Variants in EDIL3 observed in about 807,000 individuals in gnomAD.
The protein encoded by EDIL3 is EGF-like repeat and discoidin I-like domain-containing protein 3.
EDIL3 carries 37 observed loss-of-function variants against 67.4 expected under a neutral mutation model. The observed-to-expected ratio is 0.55, with a 90% CI of 0.42 to 0.72. The LOEUF (loss-of-function observed/expected upper bound fraction) is 0.72. Ranked by LOEUF, EDIL3 falls within the 30% of genes least tolerant of loss-of-function variation. The pLI is 0.00. For synonymous variants in EDIL3, 195 were observed against 196.3 expected (o/e 0.99, Z 0.05); for missense variants, 527 against 586.3 (o/e 0.90, Z 1.04).
chr5:84,106,385 C>G (rs1313612049), intron 6 of EDIL3, among the ~76,000 whole-genome samples: 2 of 151,934 alleles, frequency 1.3e-5, no homozygotes, highest in Admixed American at 6.6e-5. Context: ...CAGAAAGTCT[C>G]CTGCTTTGAT....
In EDIL3 at chr5:84,207,048, C is replaced by A. The variant is rs1211270956; in HGVS notation, c.226+22807G>T. 2.0e-5 allele frequency among the ~76,000 whole-genome samples: 3 copies of A among 151,994 alleles called. No homozygotes were observed. In the East Asian group the frequency reaches 5.8e-4, roughly 29 times the overall value. On this transcript the variant is annotated intron_variant, in intron 3 of 10. Coordinates refer to ENST00000296591, the MANE Select transcript of EDIL3 (RefSeq NM_005711.5). ...ATAGTGTTGGAAGTTCTGGCCAGGG[C>A]AATTAGGCAGGAGAAGGAAATAAAG... is the stretch of plus-strand genomic sequence containing the variant.
chr5:84,080,890 C>G (rs1309443762), intron 6 of EDIL3, among the ~76,000 whole-genome samples: 1 of 152,168 alleles, frequency 6.6e-6, no homozygotes, highest in Non-Finnish European at 1.5e-5. Flanking sequence ...AGTTCTGATG[C>G]TCCAGATAAA....
chr5:84,290,157 A>C (rs1745884753), intron 1 of EDIL3, among the ~76,000 whole-genome samples: 2 of 152,168 alleles, frequency 1.3e-5, no homozygotes, highest in African/African-American at 4.8e-5. Context: ...CCTCATCTGC[A>C]TGTCTTCCCT....
chr5:84,279,649 A>G (rs555878364), intron 1 of EDIL3, among the ~76,000 whole-genome samples: 89 of 152,304 alleles, frequency 5.8e-4, no homozygotes, highest in African/African-American at 2.0e-3. Context: ...GCCTTGGTCT[A>G]AAAAAGAGCT....
intron 3 of EDIL3, among the ~76,000 whole-genome samples, chr5:84,198,208 C>T (rs1034624734): frequency 6.6e-6 from 1 of 150,912 alleles, no homozygotes. Flanking sequence ...ACCATTAATG[C>T]AAGGTTAGAT....
At chr5:84,293,020 C>T (rs912450716) in intron 1 of EDIL3, among the ~76,000 whole-genome samples, 1 of 152,160 alleles carries the variant, frequency 6.6e-6, no homozygotes, top group African/African-American at 2.4e-5. Flanking sequence ...ATACCTCCAT[C>T]CCCTTCCTTG....
intron 5 of EDIL3, among the ~76,000 whole-genome samples, chr5:84,129,840 GGACAGA>G (rs1747930246): frequency 6.6e-6 from 1 of 152,010 alleles, no homozygotes. Context: ...GGTTTGGCAT[GGACAGA>G]TCACAACCCC....
intron 1 of EDIL3, among the ~76,000 whole-genome samples, chr5:84,310,002 T>G (rs1228809598): frequency 6.6e-6 from 1 of 152,218 alleles, no homozygotes; most frequent in East Asian, 1.9e-4. Context: ...TTTCACTCCA[T>G]GTTATCACTG....
In EDIL3 at chr5:83,942,255, T is replaced by C. The variant is rs1238648952; in HGVS notation, c.*1164A>G. 1 of 152,020 alleles carries C rather than the reference T, an allele frequency of 6.6e-6. No individual in the cohort carries two copies. The highest frequency in any genetic ancestry group is 1.5e-5 in the Non-Finnish European group (1 of 67,946). The allele number at this position is 152,020 out of a possible 1,614,324, so 9.4% of individuals were successfully genotyped here. On this transcript the variant is annotated 3_prime_UTR_variant, in exon 11 of 11. Coordinates refer to ENST00000296591, the MANE Select transcript of EDIL3 (RefSeq NM_005711.5). ...AAATAAATAGAAATCAGTTTTCATC[T>C]TGAAAATGGTTTACTACTTTGTCAT...
At chr5:84,347,862 G>A (rs746346548) in intron 1 of EDIL3, among the ~76,000 whole-genome samples, 7 of 151,942 alleles carry the variant, frequency 4.6e-5, no homozygotes, top group Admixed American at 3.3e-4. Flanking sequence ...TTTTTTGCCT[G>A]CATCCATATT....
intron 3 of EDIL3, among the ~76,000 whole-genome samples, chr5:84,207,583 C>T (rs1240390438): frequency 3.3e-5 from 5 of 151,052 alleles, no homozygotes; most frequent in Non-Finnish European, 4.4e-5. Context: ...GAGCCCGCAT[C>T]GCCAAGTCAA....
At chr5:84,339,779 T>G (rs975485286) in intron 1 of EDIL3, among the ~76,000 whole-genome samples, 3 of 152,054 alleles carry the variant, frequency 2.0e-5, no homozygotes, top group African/African-American at 7.2e-5. Context: ...CTTCTAACTC[T>G]AACACTAGAA....
chr5:84,271,909 A>C (rs1745479769), intron 1 of EDIL3, among the ~76,000 whole-genome samples: 2 of 152,170 alleles, frequency 1.3e-5, no homozygotes, highest in South Asian at 4.1e-4. Flanking sequence ...CATTTTGGAT[A>C]CTTAGTTACT....
chr5:84,109,325 G>A (rs1343279925), intron 5 of EDIL3, among the ~76,000 whole-genome samples: 1 of 151,852 alleles, frequency 6.6e-6, no homozygotes, highest in Non-Finnish European at 1.5e-5. Context: ...GACCAACATG[G>A]TGAAACCCTG....
rs114701684 is a variant in EDIL3, at chr5:84,083,558, A to G, written c.652-16952T>C. ...TTGTCTTCTGAAAACCAGGCTTGTA[A>G]CCCACCCATGCTAGGGTACTAGCTA... On this transcript the variant is annotated intron_variant, in intron 6 of 10. Transcript: ENST00000296591. 2.4e-3 allele frequency among the ~76,000 whole-genome samples: 366 copies of G among 151,918 alleles called. 2 individuals carry two copies. The highest frequency in any genetic ancestry group is 8.6e-3 in the African/African-American group (356 of 41,464).
In EDIL3 at chr5:84,079,575, T is replaced by C. The variant is rs115222389; in HGVS notation, c.652-12969A>G. On this transcript the variant is annotated intron_variant, in intron 6 of 10. Coordinates refer to ENST00000296591, the MANE Select transcript of EDIL3 (RefSeq NM_005711.5). ...TTTTTTTTTCTATCTCAAACAAGTA[T>C]GTTTTCAACTGGTCACAGTGAAAAC... Among the ~76,000 whole-genome samples the C allele has an allele frequency of 8.4e-3, 1,275 of 152,182 alleles. 18 individuals carry two copies. The highest frequency in any genetic ancestry group is 0.029 in the African/African-American group (1,203 of 41,496).
intron 6 of EDIL3, among the ~76,000 whole-genome samples, chr5:84,099,616 C>G (rs1002060009): frequency 6.6e-6 from 1 of 151,686 alleles, no homozygotes; most frequent in Non-Finnish European, 1.5e-5. Context: ...ACCTTAAAAC[C>G]ATAAAAATCC....
intron 6 of EDIL3, among the ~76,000 whole-genome samples, chr5:84,077,883 A>T (rs1380794772): frequency 6.6e-6 from 1 of 151,132 alleles, no homozygotes; most frequent in African/African-American, 2.4e-5. Context: ...ATAGACACAC[A>T]CACAATGCAA....
chr5:84,023,512 A>G (rs941247439), intron 9 of EDIL3, among the ~76,000 whole-genome samples: 2 of 152,094 alleles, frequency 1.3e-5, no homozygotes, highest in Non-Finnish European at 2.9e-5. Flanking sequence ...TTGCAAGAGT[A>G]TAGCTACTGA....
Sources: gnomAD v4.1 joint callset for allele counts (sites outside exome capture counted in the v4.1 genomes callset) on GRCh38, gnomAD v4.1.1 for gene constraint, MANE v1.5 for transcripts, NCBI Gene and HGNC (gene_info 2026-07-23, HGNC 2026-07-21) for gene names.